FAM222A: variants seen among roughly 807,000 people sequenced by gnomAD.
FAM222A encodes protein FAM222A.
FAM222A carries 7 observed loss-of-function variants against 25.8 expected under a neutral mutation model. The ratio of observed to expected loss-of-function variants is 0.27; its 90% CI spans 0.15 to 0.51. The LOEUF is 0.51. Ranked by LOEUF, FAM222A falls within the 20% of genes least tolerant of loss-of-function variation. FAM222A has a pLI of 0.97. For missense variants in FAM222A, 573 were observed against 640.5 expected (o/e 0.89, Z 1.14); for synonymous variants, 294 against 298.8 (o/e 0.98, Z 0.17).
At chr12:109,742,239 C>G (rs966231891) in intron 1 of FAM222A, 5 of 152,248 alleles carry the variant, frequency 3.3e-5, no homozygotes, top group Non-Finnish European at 5.9e-5. Flanking sequence ...GGTGTGTGTG[C>G]ACACCCAGCC....
chr12:109,737,219 T>A (rs1888110522), intron 1 of FAM222A, among the ~76,000 whole-genome samples: 1 of 151,990 alleles, frequency 6.6e-6, no homozygotes, highest in Non-Finnish European at 1.5e-5. Context: ...TGGGATTGCA[T>A]GGGCCAAAGC....
chr12:109,718,091 C>G (rs1336843834), intron 1 of FAM222A, among the ~76,000 whole-genome samples: 2 of 152,212 alleles, frequency 1.3e-5, no homozygotes, highest in African/African-American at 4.8e-5. Flanking sequence ...TGTGCAGGGT[C>G]TGGTGAGGAT....
intron 1 of FAM222A, among the ~76,000 whole-genome samples, chr12:109,736,888 G>A (rs1157985330): frequency 6.6e-6 from 1 of 152,106 alleles, no homozygotes; most frequent in Non-Finnish European, 1.5e-5. Context: ...GTGTGTCCCA[G>A]TAGGACACTT....
intron 1 of FAM222A, among the ~76,000 whole-genome samples, chr12:109,736,466 C>T (rs1888089315): frequency 6.6e-6 from 1 of 152,182 alleles, no homozygotes; most frequent in South Asian, 2.1e-4. Flanking sequence ...GTGTAAAGCT[C>T]AGACATCCGG....
At chr12:109,731,847 C>T (rs1887955393) in intron 1 of FAM222A, among the ~76,000 whole-genome samples, 1 of 152,164 alleles carries the variant, frequency 6.6e-6, no homozygotes, top group Non-Finnish European at 1.5e-5. Context: ...AACCCTGGAC[C>T]ATGCAGGGAG....
chr12:109,714,939 AC>A lies in FAM222A; in HGVS notation c.-47+47del. 1 of 152,608 alleles carries A rather than the reference AC, an allele frequency of 6.6e-6. No homozygotes were observed. The highest frequency in any genetic ancestry group is 1.5e-5 in the Non-Finnish European group (1 of 68,408). 9.5% of individuals were successfully genotyped at this position (152,608 alleles called of 1,614,324 possible). A position where few individuals can be genotyped will look rare whatever the true frequency, so the allele number is the denominator to read the frequency against. On this transcript the variant is annotated intron_variant, in intron 1 of 2. Transcript: ENST00000538780. The surrounding 1 kb of genome is among the most constrained non-coding windows in gnomAD (Gnocchi z 4.2). The stretch of plus-strand genomic sequence containing the variant: ...GGGGTTCTGCGCTGGAGCTGGGGGC[AC>A]CCCCTGGCGTCCGGGCAGCCAGGAT...
intron 1 of FAM222A, among the ~76,000 whole-genome samples, chr12:109,731,202 C>G (rs751411721): frequency 1.3e-5 from 2 of 152,030 alleles, no homozygotes; most frequent in African/African-American, 4.8e-5. Flanking sequence ...TAGTGCCTTG[C>G]GGGTCTGGAG....
In FAM222A at chr12:109,768,476, C is replaced by T. The variant is rs201397662; in HGVS notation, c.547C>T (p.Pro183Ser). 26 of 1,603,658 alleles carry T rather than the reference C, an allele frequency of 1.6e-5. No individual in the cohort carries two copies. Among genetic ancestry groups the T allele is most frequent in the Non-Finnish European group, 2.2e-5 (26 of 1,178,974 alleles). Residue 183 changes from proline (P) to serine (S), a missense_variant, in exon 3 of 3, where the codon CCC (proline) becomes TCC (serine). By Grantham distance (74) the Pro-to-Ser change is moderately conservative. This residue lies in a region of FAM222A where 412 missense variants were observed against 407.0 expected (regional missense o/e 1.01). Transcript: ENST00000538780. ...PAAATAASVI[P>S]LPGRGLPLPP... ...AGCCGCCACTGCCGCCTCCGTCATC[C>T]CCCTGCCGGGCCGGGGCCTGCCCCT... is the stretch of plus-strand genomic sequence containing the variant.
intron 2 of FAM222A, among the ~76,000 whole-genome samples, chr12:109,759,583 A>G (rs1003346642): frequency 2.6e-5 from 4 of 152,172 alleles, no homozygotes; most frequent in African/African-American, 9.7e-5. Context: ...CATAACATTA[A>G]CTTAATGGCA....
At chr12:109,720,159 C>T (rs773743095) in intron 1 of FAM222A, 66 of 985,322 alleles carry the variant, frequency 6.7e-5, no homozygotes, top group Non-Finnish European at 7.7e-5. Context: ...CCACAGCAAG[C>T]CAGCATCCCA....
intron 1 of FAM222A, among the ~76,000 whole-genome samples, chr12:109,727,179 G>A (rs980774852): frequency 3.9e-5 from 6 of 152,020 alleles, no homozygotes; most frequent in Non-Finnish European, 8.8e-5. Context: ...GGTCTTCTGA[G>A]GCCAGGCTGG....
chr12:109,763,931 C>T (rs1207277068), intron 2 of FAM222A, among the ~76,000 whole-genome samples: 2 of 152,110 alleles, frequency 1.3e-5, no homozygotes, highest in Non-Finnish European at 2.9e-5. Flanking sequence ...TCAAGAAAAG[C>T]CATGGAGGCT....
Position 109,769,620 on chromosome 12 carries a change from T to A in FAM222A, c.*332T>A. 1 of 334,480 alleles carries A rather than the reference T, an allele frequency of 3.0e-6. No homozygotes were observed. The highest frequency in any genetic ancestry group is 5.5e-6 in the Non-Finnish European group (1 of 181,004). 20.7% of individuals were successfully genotyped at this position (334,480 alleles called of 1,614,324 possible). ...CAGGAATGGTTCTTTCTGGGCCTCC[T>A]GGGACAGGGGCCCAGGCCAAGGTGG... On this transcript the variant is annotated 3_prime_UTR_variant, in exon 3 of 3. Transcript: ENST00000538780.
rs556244001 is a variant in FAM222A at position 109,768,119 on chromosome 12, C to G, written c.190C>G (p.Pro64Ala). ...CAGCCCGCTGTCCATCAAGATCTTC[C>G]CCACCAACATCCGTGTGCCCCAGCA... Reference protein sequence around the residue: ...ANSPLSIKIFPTNIRVPQHKH... With the variant: ...ANSPLSIKIFATNIRVPQHKH... The change falls in exon 3 of 3, where the codon CCC becomes GCC. Residue 64 changes from proline (P) to alanine (A), a missense_variant. Physicochemically the swap from Pro to Ala is conservative, Grantham distance 27 (BLOSUM62 -1). Around this residue, in one of 3 missense-constraint regions of FAM222A, gnomAD observed 112 missense variants for 154.6 expected, o/e 0.72. Coordinates refer to ENST00000538780, the MANE Select transcript of FAM222A (RefSeq NM_032829.3). 1.9e-6 allele frequency: 3 copies of G among 1,614,008 alleles called. 1 individual carries two copies. The South Asian group carries it at 3.3e-5, about 18-fold the overall frequency.
rs1444935742 is a variant in FAM222A at position 109,768,925 on chromosome 12, C to T, written c.996C>T (p.Gly332=). The change falls in exon 3 of 3, where the codon GGC becomes GGT. Residue 332 remains glycine, a synonymous_variant. Coordinates refer to ENST00000538780, the MANE Select transcript of FAM222A (RefSeq NM_032829.3). ...CCAGCGGGTCACCCCTCAACTGTGG[C>T]GTGGGGCTGCCCACCAGCTTCACCG... ...ERASGSPLNC[G]VGLPTSFTVG... is the part of the protein sequence containing the mutation. The T allele has an allele frequency of 1.3e-5, 20 of 1,577,630 alleles. No homozygotes were observed. Among genetic ancestry groups the T allele is most frequent in the Non-Finnish European group, 1.6e-5 (19 of 1,169,068 alleles).
Position 109,769,126 on chromosome 12 carries a change from A to C in FAM222A, c.1197A>C (p.Thr399=). 6.2e-7 allele frequency: 1 copy of C among 1,612,126 alleles called. No individual in the cohort carries two copies. Among genetic ancestry groups the C allele is most frequent in the Non-Finnish European group, 8.5e-7 (1 of 1,179,684 alleles). Residue 399 remains threonine (T), a synonymous_variant, in exon 3 of 3, where the codon ACA becomes ACC. Transcript: ENST00000538780. ...SGLPSKSVCN[T]SVLSSSLQSL... The stretch of plus-strand genomic sequence containing the variant: ...TGCCCAGCAAGAGTGTGTGCAACAC[A>C]TCGGTGCTGAGCAGCAGCCTGCAGT...
At chr12:109,740,198 A>G (rs1888200471) in intron 1 of FAM222A, among the ~76,000 whole-genome samples, 1 of 151,980 alleles carries the variant, frequency 6.6e-6, no homozygotes, top group Admixed American at 6.5e-5. Flanking sequence ...CCCCTGTCAC[A>G]TTTCCTTTAT....
At chr12:109,750,896 ATCTATTT>A (rs1488446695) in intron 2 of FAM222A, among the ~76,000 whole-genome samples, 2 of 151,010 alleles carry the variant, frequency 1.3e-5, no homozygotes, top group Admixed American at 6.6e-5. Flanking sequence ...TTTTTCCCCC[ATCTATTT>A]GATTTCGATC....
At chr12:109,733,822 C>G (rs1888007863) in intron 1 of FAM222A, among the ~76,000 whole-genome samples, 1 of 152,160 alleles carries the variant, frequency 6.6e-6, no homozygotes, top group East Asian at 1.9e-4. Context: ...GACCAGAAAG[C>G]AAGCCAGCGT....
Sources: gnomAD v4.1 joint callset for allele counts (sites outside exome capture counted in the v4.1 genomes callset) on GRCh38, gnomAD v4.1.1 for gene constraint, gnomAD v4.1.1 regional missense constraint, Gnocchi (gnomAD v3.1) non-coding constraint, MANE v1.5 for transcripts, NCBI Gene and HGNC (gene_info 2026-07-23, HGNC 2026-07-21) for gene names.